LARGE1: variants seen among roughly 807,000 people sequenced by gnomAD.
LARGE1 encodes xylosyl- and glucuronyltransferase LARGE1.
LARGE1 carries 43 observed loss-of-function variants against 87.6 expected under a neutral mutation model. That is an observed-to-expected ratio of 0.49 (90% CI 0.38 to 0.63). The LOEUF is 0.63. LARGE1 is among the 30% of genes least tolerant of loss of function. LARGE1 has a pLI of 0.00. For synonymous variants in LARGE1, 434 were observed against 394.6 expected, an observed-to-expected ratio of 1.10 and a Z score of -1.18; for missense variants, 802 against 1,000.2, an observed-to-expected ratio of 0.80 and a Z score of 2.67.
At chr22:33,782,798 G>A (rs1391211987) in intron 1 of LARGE1, among the ~76,000 whole-genome samples, 2 of 151,518 alleles carry the variant, frequency 1.3e-5, no homozygotes, top group Non-Finnish European at 2.9e-5. Flanking sequence ...CCGGGAGGTG[G>A]AGGTTGCAGT....
chr22:33,535,047 A>G (rs1408751493), intron 6 of LARGE1, among the ~76,000 whole-genome samples: 1 of 152,226 alleles, frequency 6.6e-6, no homozygotes, highest in Admixed American at 6.5e-5. Context: ...AAGAGGAATC[A>G]TACAATCTCT....
intron 7 of LARGE1, among the ~76,000 whole-genome samples, chr22:33,424,551 C>T (rs1018421484): frequency 1.3e-5 from 2 of 152,204 alleles, no homozygotes; most frequent in Non-Finnish European, 2.9e-5. Flanking sequence ...CCCGTCCAGG[C>T]ATAGTGGCTC....
chr22:33,554,736 T>A (rs1263295392), intron 6 of LARGE1, among the ~76,000 whole-genome samples: 1 of 152,220 alleles, frequency 6.6e-6, no homozygotes, highest in Non-Finnish European at 1.5e-5. Flanking sequence ...TCTTTTCAAA[T>A]CTTCTAAACT....
intron 5 of LARGE1, among the ~76,000 whole-genome samples, chr22:33,586,848 A>G (rs2148898214): frequency 6.6e-6 from 1 of 152,334 alleles, no homozygotes. Context: ...CACAGTCGAG[A>G]GAAAAATATA....
intron 12 of LARGE1, among the ~76,000 whole-genome samples, chr22:33,285,894 TC>T (rs1400082040): frequency 6.6e-6 from 1 of 152,130 alleles, no homozygotes; most frequent in African/African-American, 2.4e-5. Context: ...AAGGACAGTT[TC>T]CTAAAACCAT....
chr22:33,829,198 G>T (rs553294432), intron 1 of LARGE1, among the ~76,000 whole-genome samples: 12 of 151,748 alleles, frequency 7.9e-5, no homozygotes, highest in African/African-American at 2.9e-4. Flanking sequence ...TAATAGAGAC[G>T]GGGTTTCGCC....
chr22:33,757,182 T>A (rs2084548142), intron 2 of LARGE1, among the ~76,000 whole-genome samples: 1 of 152,088 alleles, frequency 6.6e-6, no homozygotes, highest in South Asian at 2.1e-4. Context: ...GCCTGACAAC[T>A]GAGTCGCTGA....
At chr22:33,121,796 C>T in the LARGE1 span, among the ~76,000 whole-genome samples, 1 of 152,158 alleles carries the variant, frequency 6.6e-6, no homozygotes, top group Non-Finnish European at 1.5e-5. Context: ...TTCCACATGG[C>T]TGGGGAGGCC....
rs1164059736 is a variant in LARGE1, at chr22:33,169,147, G to C, written c.1731-2315C>G. On this transcript the variant is annotated intron_variant, in intron 11 of 11. Coordinates refer to the LARGE1 transcript ENST00000608642. ...CAGGAGTGTCAAACAGTTATCATTT[G>C]CTTTTGTATAAGATATGATAAAGAT... Among the ~76,000 whole-genome samples, 4 of 152,172 alleles carry C rather than the reference G, an allele frequency of 2.6e-5. No homozygotes were observed. The East Asian group carries it at 7.7e-4, about 29-fold the overall frequency.
intron 11 of LARGE1, among the ~76,000 whole-genome samples, chr22:33,182,055 C>G (rs996602214): frequency 1.3e-5 from 2 of 152,046 alleles, no homozygotes; most frequent in African/African-American, 4.8e-5. Context: ...CTCCTGACCT[C>G]AAGTAATCTC....
chr22:33,136,934 T>TCA, the LARGE1 span, among the ~76,000 whole-genome samples: 1,255 of 147,776 alleles, frequency 8.5e-3, 10 homozygotes, highest in African/African-American at 0.023. Flanking sequence ...AATATTAAGG[T>TCA]AAAAAAAAAA....
intron 10 of LARGE1, among the ~76,000 whole-genome samples, chr22:33,319,953 C>T (rs1432258830): frequency 6.6e-6 from 1 of 152,188 alleles, no homozygotes; most frequent in Non-Finnish European, 1.5e-5. Flanking sequence ...ATCTGTGAGA[C>T]ACTGTCAACT....
At chr22:33,224,414 C>G (rs986606478) in intron 11 of LARGE1, among the ~76,000 whole-genome samples, 1 of 152,162 alleles carries the variant, frequency 6.6e-6, no homozygotes, top group Non-Finnish European at 1.5e-5. Context: ...TGACTTTTTC[C>G]ATACCCATAT....
At chr22:33,914,866 G>A (rs2065737066) in intron 1 of LARGE1, among the ~76,000 whole-genome samples, 1 of 152,060 alleles carries the variant, frequency 6.6e-6, no homozygotes. Context: ...GCCCAGAGAT[G>A]CCAAGAAATA....
intron 11 of LARGE1, among the ~76,000 whole-genome samples, chr22:33,252,374 T>C (rs1224286830): frequency 6.6e-6 from 1 of 151,408 alleles, no homozygotes; most frequent in Non-Finnish European, 1.5e-5. Flanking sequence ...TCCTTCTCCA[T>C]CATTTCTTAA....
At chr22:33,282,390 C>T (rs1387440084) in intron 13 of LARGE1, among the ~76,000 whole-genome samples, 1 of 152,114 alleles carries the variant, frequency 6.6e-6, no homozygotes, top group East Asian at 1.9e-4. Flanking sequence ...CACAAGCAAA[C>T]ACCTGGAGCA....
chr22:33,484,590 A>T (rs1403264380), intron 6 of LARGE1, among the ~76,000 whole-genome samples: 2 of 152,226 alleles, frequency 1.3e-5, no homozygotes, highest in African/African-American at 2.4e-5. Context: ...TCTGGCCTCC[A>T]TGACAGAGGT....
intron 6 of LARGE1, among the ~76,000 whole-genome samples, chr22:33,437,664 G>T (rs2067319697): frequency 6.6e-6 from 1 of 152,084 alleles, no homozygotes; most frequent in Non-Finnish European, 1.5e-5. Flanking sequence ...ATCTCCTCCT[G>T]TCCTTAGCTG....
intron 1 of LARGE1, among the ~76,000 whole-genome samples, chr22:33,876,379 G>A (rs548230630): frequency 6.6e-6 from 1 of 151,982 alleles, no homozygotes; most frequent in African/African-American, 2.4e-5. Context: ...ATGGGAGAGG[G>A]GGAGGTGCAC....
Sources: allele counts gnomAD v4.1 joint callset (sites outside exome capture counted in the v4.1 genomes callset), GRCh38; gene constraint gnomAD v4.1.1; transcripts MANE v1.5; gene names NCBI Gene and HGNC (gene_info 2026-07-23, HGNC 2026-07-21).